The following KCNH8 variants were observed in gnomAD, a reference collection of about 807,000 sequenced individuals.
The protein encoded by KCNH8 is voltage-gated delayed rectifier potassium channel KCNH8.
KCNH8 carries 70 observed loss-of-function variants against 103.6 expected under a neutral mutation model. The ratio of observed to expected loss-of-function variants is 0.68; its 90% CI spans 0.56 to 0.82. The LOEUF is 0.82. KCNH8 is among the 40% of genes least tolerant of loss of function. KCNH8 has a pLI of 0.00. For synonymous variants in KCNH8, 498 were observed against 489.4 expected (o/e 1.02, Z -0.23); for missense variants, 1,217 against 1,329.9 (o/e 0.92, Z 1.32).
intron 7 of KCNH8, among the ~76,000 whole-genome samples, chr3:19,414,698 T>C (rs987049590): frequency 1.3e-5 from 2 of 152,086 alleles, no homozygotes; most frequent in Non-Finnish European, 2.9e-5. Flanking sequence ...TGCTTACACT[T>C]ATTGATCACA....
At chr3:19,411,461 A>C (rs1323323769) in intron 7 of KCNH8, among the ~76,000 whole-genome samples, 2 of 152,006 alleles carry the variant, frequency 1.3e-5, no homozygotes, top group Non-Finnish European at 2.9e-5. Context: ...AGAAAAAGAC[A>C]AGGATAGCTA....
intron 11 of KCNH8, among the ~76,000 whole-genome samples, chr3:19,459,252 C>T (rs1398247930): frequency 6.6e-6 from 1 of 151,632 alleles, no homozygotes; most frequent in African/African-American, 2.4e-5. Context: ...CACATCCTTG[C>T]CAAAATTTCT....
chr3:19,491,532 T>C (rs1473642543), intron 11 of KCNH8, among the ~76,000 whole-genome samples: 3 of 152,228 alleles, frequency 2.0e-5, no homozygotes, highest in Non-Finnish European at 2.9e-5. Context: ...ACTGTATTAC[T>C]ATGGTAATTT....
intron 7 of KCNH8, among the ~76,000 whole-genome samples, chr3:19,425,540 T>G (rs1447633652): frequency 6.6e-6 from 1 of 152,160 alleles, no homozygotes; most frequent in Non-Finnish European, 1.5e-5. Flanking sequence ...GTCGGAGAGA[T>G]GGACTCAATG....
intron 2 of KCNH8, among the ~76,000 whole-genome samples, chr3:19,270,190 G>A (rs1229542421): frequency 3.3e-5 from 5 of 152,086 alleles, no homozygotes; most frequent in Non-Finnish European, 7.4e-5. Context: ...TACTCCAAAA[G>A]CAAAGTTGAG....
Position 19,253,899 on chromosome 3 carries a change from T to C in KCNH8, c.310+12T>C. 6.3e-7 allele frequency: 1 copy of C among 1,584,908 alleles called. No individual in the cohort carries two copies. The highest frequency in any genetic ancestry group is 8.7e-7 in the Non-Finnish European group (1 of 1,153,950). On this transcript the variant is annotated intron_variant, in intron 2 of 15. Coordinates refer to ENST00000328405, the MANE Select transcript of KCNH8 (RefSeq NM_144633.3). The stretch of plus-strand genomic sequence containing the variant: ...CTACAAGAAAAACGGTGAGTTGGCT[T>C]TCTTTCGTGCTCACTGGAGAGTAGT...
chr3:19,471,732 T>A (rs1182186116), intron 11 of KCNH8, among the ~76,000 whole-genome samples: 1 of 152,208 alleles, frequency 6.6e-6, no homozygotes, highest in Non-Finnish European at 1.5e-5. Context: ...TACTGGAATT[T>A]AAGTCCCAAA....
At chr3:19,514,569 TTTTTA>T (rs1186307001) in intron 13 of KCNH8, among the ~76,000 whole-genome samples, 1 of 151,824 alleles carries the variant, frequency 6.6e-6, no homozygotes, top group Non-Finnish European at 1.5e-5. Flanking sequence ...TTACAGGTGA[TTTTTA>T]TTTTGTTTTT....
At chr3:19,351,202 A>G (rs979036696) in intron 5 of KCNH8, among the ~76,000 whole-genome samples, 3 of 152,176 alleles carry the variant, frequency 2.0e-5, no homozygotes, top group Admixed American at 6.5e-5. Flanking sequence ...TTAAAAAGAA[A>G]TGAACAAAGC....
At chr3:19,347,129 G>T (rs184025673) in intron 4 of KCNH8, among the ~76,000 whole-genome samples, 1 of 152,024 alleles carries the variant, frequency 6.6e-6, no homozygotes, top group Non-Finnish European at 1.5e-5. Flanking sequence ...GTCAGTCAAG[G>T]TAACGAGATT....
rs1319659669 is a variant in KCNH8 at position 19,328,189 on chromosome 3, T to C, written c.443-14398T>C. Among the ~76,000 whole-genome samples, 5 of 152,332 alleles carry C rather than the reference T, an allele frequency of 3.3e-5. No homozygotes were observed. The East Asian group carries it at 9.6e-4, about 29-fold the overall frequency. The stretch of plus-strand genomic sequence containing the variant: ...CATTTTGACAATTACTGTTCTCTTA[T>C]GCTGGATGCCTTATTCTTTCCTGAG... On this transcript the variant is annotated intron_variant, in intron 3 of 15. Transcript: ENST00000328405.
intron 2 of KCNH8, among the ~76,000 whole-genome samples, chr3:19,276,644 T>A (rs980342809): frequency 6.6e-6 from 1 of 152,138 alleles, no homozygotes; most frequent in East Asian, 1.9e-4. Flanking sequence ...TATTAAACCA[T>A]GAACCCATAC....
intron 2 of KCNH8, among the ~76,000 whole-genome samples, chr3:19,278,606 C>T (rs1251836197): frequency 6.6e-6 from 1 of 151,680 alleles, no homozygotes; most frequent in Non-Finnish European, 1.5e-5. Context: ...GTTTTTATGC[C>T]CTTTACACTG....
chr3:19,352,239 C>T (rs957031331), intron 5 of KCNH8, among the ~76,000 whole-genome samples: 1 of 152,116 alleles, frequency 6.6e-6, no homozygotes, highest in Non-Finnish European at 1.5e-5. Flanking sequence ...AAAGCAAGTC[C>T]TTAGAGACAT....
chr3:19,308,917 G>A (rs1283590267), intron 3 of KCNH8, among the ~76,000 whole-genome samples: 1 of 151,398 alleles, frequency 6.6e-6, no homozygotes, highest in Non-Finnish European at 1.5e-5. Flanking sequence ...TAAGGGAGCA[G>A]CAGGCCACAC....
At chr3:19,428,176 T>A (rs1350899282) in intron 7 of KCNH8, among the ~76,000 whole-genome samples, 3 of 152,206 alleles carry the variant, frequency 2.0e-5, no homozygotes, top group Non-Finnish European at 4.4e-5. Context: ...AGGATTAAAT[T>A]AGATAGTATA....
Position 19,459,154 on chromosome 3 carries a change from A to AT in KCNH8, c.2040+2179dup, listed in dbSNP as rs1450899271. ...AGATCATATGGTACTTCTATTTTTA[A>AT]TTTTTTTAAAGAACTTCCCTACTGT... On this transcript the variant is annotated intron_variant, in intron 11 of 15. Transcript: ENST00000328405. Among the ~76,000 whole-genome samples the AT allele has an allele frequency of 1.5e-4, 23 of 151,972 alleles. 1 individual carries two copies. The South Asian group carries it at 4.2e-3, about 27-fold the overall frequency.
At chr3:19,217,967 C>T (rs2063833764) in intron 1 of KCNH8, among the ~76,000 whole-genome samples, 1 of 152,156 alleles carries the variant, frequency 6.6e-6, no homozygotes, top group Admixed American at 6.5e-5. Context: ...GTGTTAAGGA[C>T]TTCTCTAAAG....
At chr3:19,432,638 C>A (rs1045453484) in intron 7 of KCNH8, among the ~76,000 whole-genome samples, 1 of 152,098 alleles carries the variant, frequency 6.6e-6, no homozygotes, top group Non-Finnish European at 1.5e-5. Context: ...ATACTCTGAG[C>A]TCAGACACAA....
Sources: gnomAD v4.1 joint callset for allele counts (sites outside exome capture counted in the v4.1 genomes callset) on GRCh38, gnomAD v4.1.1 for gene constraint, MANE v1.5 for transcripts, NCBI Gene and HGNC (gene_info 2026-07-23, HGNC 2026-07-21) for gene names.